GNA12: variants seen among roughly 807,000 people sequenced by gnomAD.
The protein encoded by GNA12 is G protein subunit alpha 12, also known as guanine nucleotide-binding protein subunit alpha-12.
Under a neutral mutation model 26.0 loss-of-function variants are expected in GNA12, and 9 were observed. The ratio of observed to expected loss-of-function variants is 0.35; its 90% CI spans 0.21 to 0.60. The LOEUF is 0.60. Among genes scored for constraint, GNA12 ranks in the 20% least tolerant of loss-of-function variants. The pLI is 0.78. For missense variants in GNA12, 405 were observed against 525.8 expected, an observed-to-expected ratio of 0.77 and a Z score of 2.25; for synonymous variants, 264 against 219.6, an observed-to-expected ratio of 1.20 and a Z score of -1.79.
chr7:2,842,910 A>G (rs1779041059), intron 1 of GNA12, among the ~76,000 whole-genome samples: 1 of 152,166 alleles, frequency 6.6e-6, no homozygotes, highest in Non-Finnish European at 1.5e-5. Context: ...GGTGAATAGG[A>G]TTGGCACAGA....
At chr7:2,732,497 G>C (rs981172537) in intron 3 of GNA12, among the ~76,000 whole-genome samples, 27 of 152,300 alleles carry the variant, frequency 1.8e-4, no homozygotes, top group African/African-American at 6.3e-4. Context: ...AATGAGTTAC[G>C]ATCGTGCCAC....
chr7:2,826,699 A>G (rs1793492429), intron 1 of GNA12, among the ~76,000 whole-genome samples: 1 of 152,260 alleles, frequency 6.6e-6, no homozygotes, highest in Admixed American at 6.5e-5. Context: ...AAGGCTACAT[A>G]TTCCTGATTC....
intron 2 of GNA12, among the ~76,000 whole-genome samples, chr7:2,788,011 C>T (rs528618083): frequency 2.0e-5 from 3 of 152,218 alleles, no homozygotes; most frequent in East Asian, 3.9e-4. Context: ...AAAAATTAGC[C>T]GGGCATGGTG....
chr7:2,804,527 G>A (rs555406131), intron 1 of GNA12, among the ~76,000 whole-genome samples: 2 of 152,298 alleles, frequency 1.3e-5, no homozygotes, highest in East Asian at 1.9e-4. Flanking sequence ...CAATAGGACT[G>A]GGCTGAGTGT....
intron 2 of GNA12, among the ~76,000 whole-genome samples, chr7:2,766,701 G>C (rs1791814203): frequency 6.6e-6 from 1 of 152,086 alleles, no homozygotes; most frequent in East Asian, 1.9e-4. Context: ...CCACCTCTTA[G>C]GCATTGTGAA....
chr7:2,806,574 G>C (rs1792956014), intron 1 of GNA12, among the ~76,000 whole-genome samples: 1 of 150,708 alleles, frequency 6.6e-6, no homozygotes, highest in South Asian at 2.1e-4. Context: ...ACATAAAGAA[G>C]AAAATTAAAT....
At chr7:2,827,818 G>A (rs762908825) in intron 1 of GNA12, among the ~76,000 whole-genome samples, 3 of 152,038 alleles carry the variant, frequency 2.0e-5, no homozygotes, top group East Asian at 1.9e-4. Context: ...CAAAAACATC[G>A]CGCAAATTTT....
In GNA12 at chr7:2,731,308, C is replaced by T. The variant is rs1264110448; in HGVS notation, c.1019G>A (p.Arg340Gln). 4 of 1,613,730 alleles carry T rather than the reference C, an allele frequency of 2.5e-6. No individual in the cohort carries two copies. Among genetic ancestry groups the T allele is most frequent in the South Asian group, 1.1e-5 (1 of 91,044 alleles). The change falls in exon 4 of 4, where the codon CGG becomes CAG. Residue 340 changes from arginine to glutamine, a missense_variant. By Grantham distance (43) the Arg-to-Gln change is conservative (BLOSUM62 1). Coordinates refer to ENST00000275364, the MANE Select transcript of GNA12 (RefSeq NM_007353.3). This position sits in a 1 kb window ranked among gnomAD's most constrained non-coding sequence, Gnocchi z 6.0. ...GTGGAAGAGTGGCTTGCTGCGGTTCCGTCTCTTCCTGTCGAAGCACTGGAC... is the reference window on the plus strand; with the variant it reads ...GTGGAAGAGTGGCTTGCTGCGGTTCTGTCTCTTCCTGTCGAAGCACTGGAC... ...YLVQCFDRKRRNRSKPLFHHF... is the reference protein window; with the variant it reads ...YLVQCFDRKRQNRSKPLFHHF...
At chr7:2,780,048 GTACATATATATATATATATATATA>G (rs1255994463) in intron 2 of GNA12, among the ~76,000 whole-genome samples, 1 of 84,734 alleles carries the variant, frequency 1.2e-5, no homozygotes, top group Non-Finnish European at 2.2e-5. Flanking sequence ...ACATTTCTGT[GTACATATATATATATATATATATA>G]TATATATATA....
At chr7:2,783,928 A>G (rs1203918117) in intron 2 of GNA12, among the ~76,000 whole-genome samples, 1 of 151,720 alleles carries the variant, frequency 6.6e-6, no homozygotes, top group Non-Finnish European at 1.5e-5. Flanking sequence ...CAAGTGATCC[A>G]CCTTCCTCAG....
rs139108346 is a variant in GNA12, at chr7:2,795,203, G to T, written c.310-60C>A. On this transcript the variant is annotated intron_variant, in intron 1 of 3. Transcript: ENST00000275364. ...GCATTCCAAAGACTAAACCACGCTA[G>T]AGAAGCTCAAAATGGGCATCCATTG... The T allele has an allele frequency of 2.3e-4, 293 of 1,292,002 alleles. 3 individuals are homozygous for T. The East Asian group carries it at 6.0e-3, about 26-fold the overall frequency. The allele number at this position is 1,292,002 out of a possible 1,614,324, so 80.0% of individuals were successfully genotyped here.
intron 1 of GNA12, among the ~76,000 whole-genome samples, chr7:2,831,525 T>A (rs1211766913): frequency 6.7e-6 from 1 of 150,304 alleles, no homozygotes; most frequent in Admixed American, 6.7e-5. Flanking sequence ...TGCCTCAGCC[T>A]CCCGAGTAGC....
At chr7:2,762,778 T>A in intron 2 of GNA12, 3 of 1,544,534 alleles carry the variant, frequency 1.9e-6, no homozygotes, top group Non-Finnish European at 2.6e-6. Context: ...CCACCCAGGC[T>A]GTACAAAAGG....
intron 1 of GNA12, among the ~76,000 whole-genome samples, chr7:2,842,295 C>T (rs753299010): frequency 1.6e-4 from 24 of 151,650 alleles, no homozygotes; most frequent in African/African-American, 2.7e-4. Context: ...ACTGGAACCC[C>T]GACTTTATCA....
At chr7:2,764,348 G>T (rs1264440321) in intron 2 of GNA12, among the ~76,000 whole-genome samples, 1 of 151,674 alleles carries the variant, frequency 6.6e-6, no homozygotes, top group Non-Finnish European at 1.5e-5. Flanking sequence ...CTCCCAAAGT[G>T]CCAGGATTCC....
At chr7:2,825,084 G>C (rs1250060187) in intron 1 of GNA12, among the ~76,000 whole-genome samples, 1 of 152,148 alleles carries the variant, frequency 6.6e-6, no homozygotes, top group Non-Finnish European at 1.5e-5. Context: ...CTAAACATCA[G>C]ACTGCCACCA....
chr7:2,806,436 G>T (rs1235414858), intron 1 of GNA12, among the ~76,000 whole-genome samples: 19 of 139,724 alleles, frequency 1.4e-4, no homozygotes, highest in Admixed American at 1.5e-4. Context: ...CCAGCCTGGG[G>T]GATAGAGCGA....
At chr7:2,819,445 AATTT>A (rs1562444541) in intron 1 of GNA12, among the ~76,000 whole-genome samples, 1 of 152,232 alleles carries the variant, frequency 6.6e-6, no homozygotes, top group Non-Finnish European at 1.5e-5. Context: ...AGCCTGTGGT[AATTT>A]GTTACAGTGG....
intron 2 of GNA12, among the ~76,000 whole-genome samples, chr7:2,750,085 T>G (rs1790955695): frequency 6.6e-6 from 1 of 152,170 alleles, no homozygotes; most frequent in African/African-American, 2.4e-5. Context: ...AAGAAACTCA[T>G]AGCAAGGATG....
Sources: allele counts gnomAD v4.1 joint callset (sites outside exome capture counted in the v4.1 genomes callset), GRCh38; gene constraint gnomAD v4.1.1; non-coding constraint Gnocchi (gnomAD v3.1); transcripts MANE v1.5; gene names NCBI Gene and HGNC (gene_info 2026-07-23, HGNC 2026-07-21).